Variants in SLC18A2 observed in about 807,000 individuals in gnomAD.
SLC18A2 encodes solute carrier family 18 member A2.
A neutral mutation model predicts 59.2 loss-of-function variants in SLC18A2; 33 were observed. That is an observed-to-expected ratio of 0.56 (90% CI 0.42 to 0.75). SLC18A2 has a LOEUF of 0.75. SLC18A2 is among the 30% of genes least tolerant of loss of function. The pLI, the probability that SLC18A2 is intolerant of heterozygous loss-of-function variation, is 0.00. For missense variants in SLC18A2, 569 were observed against 668.6 expected (o/e 0.85, Z 1.64); for synonymous variants, 228 against 253.5 (o/e 0.90, Z 0.95).
In SLC18A2 at chr10:117,258,891, C is replaced by T. The variant is rs551977863; in HGVS notation, c.991+999C>T. Among the ~76,000 whole-genome samples, 25 of 152,096 alleles carry T rather than the reference C, an allele frequency of 1.6e-4. No individual in the cohort carries two copies. The South Asian group carries it at 3.5e-3, about 22-fold the overall frequency. On this transcript the variant is annotated intron_variant, in intron 10 of 15. Coordinates refer to ENST00000644641, the MANE Select transcript of SLC18A2 (RefSeq NM_003054.6). ...AAGCGATTCTCCTGCCTCAGCCTCC[C>T]GAGTAGCTGGGATTACAGGCACGTG...
Position 117,244,183 on chromosome 10 carries a change from G to A in SLC18A2, c.334G>A (p.Ala112Thr), listed in dbSNP as rs745455259. 4 of 1,614,180 alleles carry A rather than the reference G, an allele frequency of 2.5e-6. No homozygotes were observed. Among genetic ancestry groups the A allele is most frequent in the Middle Eastern group, 1.6e-4 (1 of 6,062 alleles). The change falls in exon 3 of 16, where the codon GCT (alanine) becomes ACT (threonine). Residue 112 changes from alanine (A) to threonine (T), a missense_variant. Transcript: ENST00000644641. ...ATQHMVTNAS[A>T]VPSDCPSEDK... ...ACAGCACATGGTGACCAACGCGTCC[G>A]CTGTTCCTTCCGACTGTCCCAGTGA...
intron 10 of SLC18A2, among the ~76,000 whole-genome samples, chr10:117,263,287 G>A (rs1184592350): frequency 6.6e-6 from 1 of 152,202 alleles, no homozygotes; most frequent in African/African-American, 2.4e-5. Context: ...CCAGTGCTGA[G>A]GGCGGGGAGC....
intron 10 of SLC18A2, among the ~76,000 whole-genome samples, chr10:117,260,551 C>T (rs1844284350): frequency 6.6e-6 from 1 of 152,208 alleles, no homozygotes; most frequent in Non-Finnish European, 1.5e-5. Flanking sequence ...CCTTTGCTAG[C>T]ATTTAAATGG....
rs1048141808 is a variant in SLC18A2 at position 117,260,313 on chromosome 10, C to T, written c.991+2421C>T. ...TGTTGACAGCCTCTGCTTTCAGCCC[C>T]ACCTTCACAGTACCCGAAGCTTCAG... On this transcript the variant is annotated intron_variant, in intron 10 of 15. Coordinates refer to ENST00000644641, the MANE Select transcript of SLC18A2 (RefSeq NM_003054.6). Among the ~76,000 whole-genome samples the T allele has an allele frequency of 5.3e-5, 8 of 152,358 alleles. No homozygotes were observed. In the South Asian group the frequency reaches 1.7e-3, roughly 32 times the overall value.
chr10:117,260,486 G>A (rs1844283249), intron 10 of SLC18A2, among the ~76,000 whole-genome samples: 1 of 152,164 alleles, frequency 6.6e-6, no homozygotes, highest in African/African-American at 2.4e-5. Flanking sequence ...TTGTCCTCAG[G>A]AAGGTATGGG....
intron 1 of SLC18A2, 135 bp from the exon 2 acceptor site, chr10:117,241,544 C>CGA (rs1844052217): frequency 3.0e-6 from 3 of 984,994 alleles, no homozygotes; most frequent in Non-Finnish European, 4.1e-6. Context: ...GCAGGTGAGC[C>CGA]GAGGCTGGGG....
At chr10:117,273,589 C>T (rs888576666) in intron 15 of SLC18A2, among the ~76,000 whole-genome samples, 32 of 152,214 alleles carry the variant, frequency 2.1e-4, no homozygotes, top group African/African-American at 7.0e-4. Context: ...TGGGGTGGCC[C>T]GAGGCTGCTG....
intron 10 of SLC18A2, among the ~76,000 whole-genome samples, chr10:117,261,009 G>A (rs2133738186): frequency 6.6e-6 from 1 of 152,252 alleles, no homozygotes; most frequent in South Asian, 2.1e-4. Flanking sequence ...AGGTGGAGCT[G>A]AGCTTAAAAT....
chr10:117,246,338 TA>T (rs1328104100), intron 3 of SLC18A2, among the ~76,000 whole-genome samples: 2 of 152,202 alleles, frequency 1.3e-5, no homozygotes, highest in Non-Finnish European at 2.9e-5. Flanking sequence ...AAAGCTTTTT[TA>T]AAAATCCCAT....
Position 117,255,542 on chromosome 10 carries a change from G to GC in SLC18A2, c.834+20_834+21insC. 6.2e-7 allele frequency: 1 copy of GC among 1,614,136 alleles called. No homozygotes were observed. Among genetic ancestry groups the GC allele is most frequent in the Non-Finnish European group, 8.5e-7 (1 of 1,180,016 alleles). The stretch of plus-strand genomic sequence containing the variant: ...CCAGAGGTAAGCGGCTGGGAATGAG[G>GC]GCCCTGGGGGAGGGGGCATGGTGCT... On this transcript the variant is annotated intron_variant, in intron 8 of 15. Transcript: ENST00000644641.
At chr10:117,251,543 AG>A (rs539351491) in intron 3 of SLC18A2, among the ~76,000 whole-genome samples, 1 of 152,192 alleles carries the variant, frequency 6.6e-6, no homozygotes, top group Non-Finnish European at 1.5e-5. Context: ...CTCTGTTCAC[AG>A]CAGGGGAATC....
intron 12 of SLC18A2, 62 bp downstream of exon 12, chr10:117,267,097 C>A (rs1693223965): frequency 4.3e-6 from 5 of 1,170,934 alleles, no homozygotes; most frequent in Admixed American, 4.0e-5. Context: ...GCGCTTTGGG[C>A]AAGAATCACC....
intron 3 of SLC18A2, among the ~76,000 whole-genome samples, chr10:117,247,408 C>T (rs1184815173): frequency 6.6e-6 from 1 of 152,178 alleles, no homozygotes; most frequent in Non-Finnish European, 1.5e-5. Flanking sequence ...AAGCATTTAC[C>T]ACAACAGTGG....
intron 3 of SLC18A2, 131 bp downstream of exon 3, chr10:117,244,444 C>T (rs1270148655): frequency 5.2e-6 from 4 of 762,264 alleles, no homozygotes; most frequent in East Asian, 5.4e-5. Flanking sequence ...GGGGAAAACC[C>T]AGTCCCCTTC....
Position 117,244,140 on chromosome 10 carries a change from AC to A in SLC18A2, c.292del (p.Leu98PhefsTer10), listed in dbSNP as rs1469890385. ...CCGGGAATGCTACCAGAGACCTGAC[AC>A]TTCATCAGACCGCCACACAGCACAT... The part of the protein sequence containing the change: ...VTGNATRDLT[L>X]HQTATQHMVT... On this transcript the variant is annotated frameshift_variant, in exon 3 of 16. Coordinates refer to ENST00000644641, the MANE Select transcript of SLC18A2 (RefSeq NM_003054.6). LOFTEE classifies it high-confidence loss of function. 1 of 1,614,150 alleles carries A rather than the reference AC, an allele frequency of 6.2e-7. No homozygotes were observed. Among genetic ancestry groups the A allele is most frequent in the South Asian group, 1.1e-5 (1 of 91,082 alleles).
chr10:117,246,842 C>T (rs1258269803), intron 3 of SLC18A2, among the ~76,000 whole-genome samples: 8 of 151,914 alleles, frequency 5.3e-5, no homozygotes, highest in Non-Finnish European at 7.4e-5. Context: ...TTGGTAGAGA[C>T]GAGGTTTCAC....
intron 2 of SLC18A2, among the ~76,000 whole-genome samples, chr10:117,242,873 C>A (rs892733889): frequency 6.6e-6 from 1 of 152,068 alleles, no homozygotes; most frequent in Non-Finnish European, 1.5e-5. Context: ...GCTGGGTTAC[C>A]GGCATGCCCC....
At chr10:117,274,789 C>A (rs1181219497) in intron 15 of SLC18A2, among the ~76,000 whole-genome samples, 1 of 152,204 alleles carries the variant, frequency 6.6e-6, no homozygotes, top group Non-Finnish European at 1.5e-5. Flanking sequence ...AGTGAGCACT[C>A]CACCTGGGAC....
chr10:117,255,257 C>A lies in SLC18A2; in HGVS notation c.701-20C>A, dbSNP rs1844214974. On this transcript the variant is annotated intron_variant, in intron 6 of 15. Coordinates refer to ENST00000644641, the MANE Select transcript of SLC18A2 (RefSeq NM_003054.6). ...GGGCATGTGTCCCAGGGGTGGTGTC[C>A]CCACTTTCTCTCCCTGCAGTGGGCC... 1 of 1,611,672 alleles carries A rather than the reference C, an allele frequency of 6.2e-7. No homozygotes were observed. The highest frequency in any genetic ancestry group is 8.5e-7 in the Non-Finnish European group (1 of 1,177,910).
Sources: gnomAD v4.1 joint callset for allele counts (sites outside exome capture counted in the v4.1 genomes callset) on GRCh38, gnomAD v4.1.1 for gene constraint, MANE v1.5 for transcripts, NCBI Gene and HGNC (gene_info 2026-07-23, HGNC 2026-07-21) for gene names.